The following DNAH7 variants were observed in gnomAD, a reference collection of about 807,000 sequenced individuals.
The protein encoded by DNAH7 is dynein axonemal heavy chain 7.
Under a neutral mutation model 444.6 loss-of-function variants are expected in DNAH7, and 397 were observed. The ratio of observed to expected loss-of-function variants is 0.89; its 90% CI spans 0.82 to 0.97. The LOEUF is 0.97. DNAH7 is among the 50% of genes least tolerant of loss of function. The probability of loss-of-function intolerance (pLI) is 0.00; values close to 1 mark genes in which losing one functional copy is unlikely to be tolerated. For missense variants in DNAH7, 4,902 were observed against 4,800.8 expected (o/e 1.02, Z -0.62); for synonymous variants, 1,636 against 1,624.4 (o/e 1.01, Z -0.17).
At chr2:195,993,004 T>C (rs1301032619) in intron 12 of DNAH7, among the ~76,000 whole-genome samples, 1 of 152,118 alleles carries the variant, frequency 6.6e-6, no homozygotes, top group African/African-American at 2.4e-5. Flanking sequence ...ACTCACACAA[T>C]GGGAATGTCT....
chr2:195,742,555 T>C (rs776072013), intron 63 of DNAH7, among the ~76,000 whole-genome samples: 1 of 152,236 alleles, frequency 6.6e-6, no homozygotes, highest in Non-Finnish European at 1.5e-5. Context: ...TACATTCTTA[T>C]TTCTCATGGC....
At position 195,794,451 on chromosome 2, in the gene DNAH7, T is replaced by C; in HGVS notation, c.10603A>G (p.Asn3535Asp). The change falls in exon 57 of 65, where the codon AAT becomes GAT. Residue 3535 changes from asparagine (N) to aspartate (D), a missense_variant. Transcript: ENST00000312428. Reference sequence around the variant, plus strand: ...GCTTCATTGGTCATTTTCACTCCATTCTGCAGTACTGACACAGGGAAATTT... The same window carrying C: ...GCTTCATTGGTCATTTTCACTCCATCCTGCAGTACTGACACAGGGAAATTT... Reference protein sequence around the residue: ...SPNFPVSVLQNGVKMTNEAPK... With the variant: ...SPNFPVSVLQDGVKMTNEAPK... 1.2e-6 allele frequency: 2 copies of C among 1,614,204 alleles called. No individual in the cohort carries two copies. Among genetic ancestry groups the C allele is most frequent in the Admixed American group, 1.7e-5 (1 of 60,032 alleles).
intron 63 of DNAH7, among the ~76,000 whole-genome samples, chr2:195,747,572 T>C (rs1441211895): frequency 6.6e-6 from 1 of 152,194 alleles, no homozygotes; most frequent in Non-Finnish European, 1.5e-5. Flanking sequence ...TGAACATTGA[T>C]GCAAAAATCC....
chr2:195,908,489 C>G (rs1687170989), intron 25 of DNAH7, among the ~76,000 whole-genome samples: 1 of 152,120 alleles, frequency 6.6e-6, no homozygotes, highest in Non-Finnish European at 1.5e-5. Context: ...GCCATGTGTA[C>G]AGATTTCTTA....
chr2:195,990,325 G>A (rs1373290114), intron 12 of DNAH7, among the ~76,000 whole-genome samples: 1 of 152,100 alleles, frequency 6.6e-6, no homozygotes, highest in Non-Finnish European at 1.5e-5. Flanking sequence ...ATTTATTAAA[G>A]AGACTATCCC....
At chr2:195,881,679 T>C in intron 36 of DNAH7, 116 bp downstream of exon 36, 2 of 1,092,258 alleles carry the variant, frequency 1.8e-6, no homozygotes, top group South Asian at 1.8e-5. Context: ...AAAAATTCTC[T>C]GCAGTTCAAA....
intron 8 of DNAH7, among the ~76,000 whole-genome samples, chr2:196,021,648 C>T (rs566295119): frequency 1.1e-4 from 16 of 149,298 alleles, no homozygotes; most frequent in Admixed American, 3.3e-4. Context: ...AGGGAGATTG[C>T]GTCTCTAAAA....
chr2:196,047,199 T>C (rs905651057), intron 5 of DNAH7, among the ~76,000 whole-genome samples, 153 bp downstream of exon 5: 1 of 152,204 alleles, frequency 6.6e-6, no homozygotes, highest in African/African-American at 2.4e-5. Context: ...AGGGTTAAAC[T>C]CAATCTCTTT....
Position 195,895,241 on chromosome 2 carries a change from T to C in DNAH7, c.4648-17A>G. 1 of 1,564,266 alleles carries C rather than the reference T, an allele frequency of 6.4e-7. No homozygotes were observed. Among genetic ancestry groups the C allele is most frequent in the Non-Finnish European group, 8.7e-7 (1 of 1,144,730 alleles). ...AGTAATTCCCTGATGATAGATGATTTGAAGGATTTACATTTTATATATTTA... is the reference window on the plus strand; with the variant it reads ...AGTAATTCCCTGATGATAGATGATTCGAAGGATTTACATTTTATATATTTA... On this transcript the variant is annotated splice_polypyrimidine_tract_variant and intron_variant, in intron 29 of 64. Transcript: ENST00000312428.
At chr2:195,828,413 T>C (rs764316806) in intron 48 of DNAH7, among the ~76,000 whole-genome samples, 6 of 151,616 alleles carry the variant, frequency 4.0e-5, no homozygotes, top group Non-Finnish European at 5.9e-5. Context: ...TGAAACCCTG[T>C]CTCTACTAAA....
chr2:195,944,061 T>C (rs1346361406), intron 19 of DNAH7, among the ~76,000 whole-genome samples: 4 of 152,312 alleles, frequency 2.6e-5, no homozygotes, highest in South Asian at 2.1e-4. Flanking sequence ...CATAACTGTT[T>C]GCTACTGACC....
Position 195,816,527 on chromosome 2 carries a change from T to C in DNAH7, c.9761+101A>G. 4.9e-6 allele frequency: 4 copies of C among 824,532 alleles called. No individual in the cohort carries two copies. The South Asian group carries it at 5.7e-5, about 12-fold the overall frequency. 51.1% of individuals were successfully genotyped at this position (824,532 alleles called of 1,614,324 possible). A position where few individuals can be genotyped will look rare whatever the true frequency, so the allele number is the denominator to read the frequency against. On this transcript the variant is annotated intron_variant, in intron 51 of 64. Coordinates refer to ENST00000312428, the MANE Select transcript of DNAH7 (RefSeq NM_018897.3). Reference sequence around the variant, plus strand: ...ATCAAGTTCATTTTAGGTAAGTGGCTGTAATGCTTGTACCACTCTGAGACA... The same window carrying C: ...ATCAAGTTCATTTTAGGTAAGTGGCCGTAATGCTTGTACCACTCTGAGACA...
chr2:195,916,265 T>C (rs968583141), intron 24 of DNAH7, among the ~76,000 whole-genome samples: 19 of 152,210 alleles, frequency 1.2e-4, no homozygotes, highest in African/African-American at 4.3e-4. Context: ...AAAGCATGAT[T>C]CATGAAAGAA....
intron 12 of DNAH7, chr2:195,994,467 G>A (rs1403705968): frequency 1.9e-6 from 1 of 529,146 alleles, no homozygotes; most frequent in East Asian, 4.9e-5. Context: ...GTTTGCCATA[G>A]AAATTGACCA....
intron 5 of DNAH7, among the ~76,000 whole-genome samples, 164 bp downstream of exon 5, chr2:196,047,188 C>T (rs1260858104): frequency 6.6e-6 from 1 of 152,174 alleles, no homozygotes; most frequent in African/African-American, 2.4e-5. Context: ...ACACACTTAA[C>T]AGGGTTAAAC....
intron 29 of DNAH7, 54 bp from the exon 30 acceptor site, chr2:195,895,278 A>T (rs1409319785): frequency 8.1e-7 from 1 of 1,232,046 alleles, no homozygotes; most frequent in African/African-American, 1.5e-5. Flanking sequence ...ATTAAATACA[A>T]ATATTTTGTA....
chr2:195,980,785 C>G (rs1291462310), intron 15 of DNAH7, among the ~76,000 whole-genome samples: 1 of 151,098 alleles, frequency 6.6e-6, no homozygotes, highest in Non-Finnish European at 1.5e-5. Context: ...GCTAAAAAAG[C>G]ATTTTATAAA....
Position 195,806,825 on chromosome 2 carries a change from T to G in DNAH7, c.10091A>C (p.His3364Pro), listed in dbSNP as rs1321063097. Residue 3364 changes from histidine to proline, a missense_variant, in exon 54 of 65, where the codon CAC becomes CCC. Transcript: ENST00000312428. ...CCATTCTTCAGGGAAAACCTCATGGTGTGGTTCCTAAAATTACAGTGTAAA... is the reference window on the plus strand; with the variant it reads ...CCATTCTTCAGGGAAAACCTCATGGGGTGGTTCCTAAAATTACAGTGTAAA... ...WKKVYDSLEP[H>P]HEVFPEEWED... 6.2e-7 allele frequency: 1 copy of G among 1,612,830 alleles called. No homozygotes were observed. Among genetic ancestry groups the G allele is most frequent in the Non-Finnish European group, 8.5e-7 (1 of 1,179,264 alleles).
intron 21 of DNAH7, among the ~76,000 whole-genome samples, chr2:195,934,033 G>A (rs1688881790): frequency 1.3e-5 from 2 of 151,616 alleles, no homozygotes; most frequent in South Asian, 4.1e-4. Context: ...AAAAAACTGA[G>A]TGCTCAATCT....
Sources: allele counts gnomAD v4.1 joint callset (sites outside exome capture counted in the v4.1 genomes callset), GRCh38; gene constraint gnomAD v4.1.1; transcripts MANE v1.5; gene names NCBI Gene and HGNC (gene_info 2026-07-23, HGNC 2026-07-21).